The following CCDC175 variants were observed in gnomAD, a reference collection of about 807,000 sequenced individuals.
The protein encoded by CCDC175 is coiled-coil domain-containing protein 175.
In CCDC175, 100 loss-of-function variants were observed where a neutral mutation model predicts 114.6. The ratio of observed to expected loss-of-function variants is 0.87; its 90% CI spans 0.74 to 1.03. The LOEUF is 1.03. Among genes scored for constraint, CCDC175 ranks in the 50% least tolerant of loss-of-function variants. The probability of loss-of-function intolerance (pLI) is 0.00; values close to 1 mark genes in which losing one functional copy is unlikely to be tolerated. For synonymous variants in CCDC175, 306 were observed against 308.7 expected, an observed-to-expected ratio of 0.99 and a Z score of 0.09; for missense variants, 880 against 917.8, an observed-to-expected ratio of 0.96 and a Z score of 0.53.
At chr14:59,518,825 C>G (rs974160837) in intron 17 of CCDC175, among the ~76,000 whole-genome samples, 13 of 152,042 alleles carry the variant, frequency 8.6e-5, no homozygotes, top group African/African-American at 3.1e-4. Context: ...TGGGTATATA[C>G]CCAAAGGATT....
Position 59,576,719 on chromosome 14 carries a change from C to T in CCDC175, c.57G>A (p.Ala19=). 2.0e-6 allele frequency: 3 copies of T among 1,476,818 alleles called. No homozygotes were observed. Among genetic ancestry groups the T allele is most frequent in the Admixed American group, 2.5e-5 (1 of 39,970 alleles). The allele number at this position is 1,476,818 out of a possible 1,614,324, so 91.5% of individuals were successfully genotyped here. A position where few individuals can be genotyped will look rare whatever the true frequency, so the allele number is the denominator to read the frequency against. ...GGGAGGGGCCAGTGGAGACGGCAGC[C>T]GCCTGCACCAGCTTCTCGCCAGCGC... ...GLGAGEKLVQ[A]AAVSTGPSLE... Residue 19 remains alanine, a synonymous_variant, in exon 1 of 20, where the codon GCG becomes GCA. Coordinates refer to ENST00000537690, the MANE Select transcript of CCDC175 (RefSeq NM_001164399.2).
Position 59,572,830 on chromosome 14 carries a change from C to T in CCDC175, c.244-17G>A, listed in dbSNP as rs1896912956. 2 of 1,453,990 alleles carry T rather than the reference C, an allele frequency of 1.4e-6. No individual in the cohort carries two copies. Among genetic ancestry groups the T allele is most frequent in the Admixed American group, 2.6e-5 (1 of 38,126 alleles). The allele number at this position is 1,453,990 out of a possible 1,614,324, so 90.1% of individuals were successfully genotyped here. ...CATTTCTTCCTGAAAATTTAAATTA[C>T]ATTTTTAAAAAGTTAAGACACTAAA... On this transcript the variant is annotated splice_polypyrimidine_tract_variant and intron_variant, in intron 2 of 19. Transcript: ENST00000537690.
At chr14:59,523,972 G>C (rs1341979481) in intron 16 of CCDC175, among the ~76,000 whole-genome samples, 1 of 150,712 alleles carries the variant, frequency 6.6e-6, no homozygotes, top group Non-Finnish European at 1.5e-5. Flanking sequence ...CTGGGCGACA[G>C]AGCAAGACTC....
chr14:59,550,821 C>A (rs141159730), intron 8 of CCDC175, among the ~76,000 whole-genome samples: 1 of 152,106 alleles, frequency 6.6e-6, no homozygotes, highest in East Asian at 1.9e-4. Context: ...TGCTGCCCAC[C>A]CAGATTAAGG....
In CCDC175 at chr14:59,521,602, G is replaced by T; in HGVS notation, c.2070C>A (p.Asp690Glu). ...CCTGAGCTATTAGTTGCCGAGACAA[G>T]TCGCTTGAGGTGTGCATGAGGGCTT... is the stretch of plus-strand genomic sequence containing the variant. ...GQEALMHTSSDLSRQLIAQEA... is the reference protein window; with the variant it reads ...GQEALMHTSSELSRQLIAQEA... Residue 690 changes from aspartate to glutamate, a missense_variant, in exon 17 of 20, where the codon GAC becomes GAA. Coordinates refer to ENST00000537690, the MANE Select transcript of CCDC175 (RefSeq NM_001164399.2). 8 of 1,535,054 alleles carry T rather than the reference G, an allele frequency of 5.2e-6. No individual in the cohort carries two copies. Among genetic ancestry groups the T allele is most frequent in the Non-Finnish European group, 7.0e-6 (8 of 1,144,776 alleles).
At chr14:59,571,331 A>G (rs560750342) in intron 3 of CCDC175, among the ~76,000 whole-genome samples, 3 of 152,316 alleles carry the variant, frequency 2.0e-5, no homozygotes, top group East Asian at 3.9e-4. Flanking sequence ...AAGGCAACCC[A>G]TGGAATGGGA....
In CCDC175 at chr14:59,510,637, G is replaced by A. The variant is rs1594972055; in HGVS notation, c.2305+9C>T. The A allele has an allele frequency of 1.3e-6, 2 of 1,536,924 alleles. No individual in the cohort carries two copies. The highest frequency in any genetic ancestry group is 1.7e-6 in the Non-Finnish European group (2 of 1,146,664). On this transcript the variant is annotated intron_variant, in intron 19 of 19. Coordinates refer to ENST00000537690, the MANE Select transcript of CCDC175 (RefSeq NM_001164399.2). Reference sequence around the variant, plus strand: ...TCCCATGTTACCAAAGCTCTAAGCTGTTGCTTACTAAGAAGGTCCATTGGT... The same window carrying A: ...TCCCATGTTACCAAAGCTCTAAGCTATTGCTTACTAAGAAGGTCCATTGGT...
At chr14:59,538,454 C>T (rs1394069995) in intron 12 of CCDC175, among the ~76,000 whole-genome samples, 1 of 152,012 alleles carries the variant, frequency 6.6e-6, no homozygotes, top group Admixed American at 6.6e-5. Context: ...AGGTAATTCC[C>T]CTAAAGACTA....
intron 3 of CCDC175, among the ~76,000 whole-genome samples, chr14:59,570,224 G>A (rs1198745199): frequency 6.6e-6 from 1 of 152,148 alleles, no homozygotes; most frequent in Non-Finnish European, 1.5e-5. Context: ...GATGCTGCAG[G>A]ACCATGGCCT....
Position 59,557,885 on chromosome 14 carries a change from A to T in CCDC175, c.953+3234T>A, listed in dbSNP as rs377543541. On this transcript the variant is annotated intron_variant, in intron 7 of 19. Coordinates refer to ENST00000537690, the MANE Select transcript of CCDC175 (RefSeq NM_001164399.2). ...TATGCAAGGTCCCTACCCTCATGAAAACTACATTCCATGGAGGGATCAGGA... is the reference window on the plus strand; with the variant it reads ...TATGCAAGGTCCCTACCCTCATGAATACTACATTCCATGGAGGGATCAGGA... 1.3e-4 allele frequency among the ~76,000 whole-genome samples: 20 copies of T among 152,302 alleles called. 2 individuals are homozygous for T. Among genetic ancestry groups the T allele is most frequent in the Admixed American group, 8.5e-4 (13 of 15,300 alleles).
intron 13 of CCDC175, among the ~76,000 whole-genome samples, chr14:59,532,239 A>G (rs1894114721): frequency 6.6e-6 from 1 of 152,218 alleles, no homozygotes; most frequent in South Asian, 2.1e-4. Flanking sequence ...TCCTTCAGTA[A>G]TATTTTACCA....
chr14:59,555,164 AAG>A (rs1290712126), intron 7 of CCDC175, among the ~76,000 whole-genome samples: 1 of 152,208 alleles, frequency 6.6e-6, no homozygotes, highest in African/African-American at 2.4e-5. Flanking sequence ...ACAACAAAAA[AAG>A]AGAATTTTAG....
At chr14:59,566,095 T>C (rs554692898) in intron 4 of CCDC175, among the ~76,000 whole-genome samples, 34 of 152,258 alleles carry the variant, frequency 2.2e-4, no homozygotes, top group African/African-American at 7.9e-4. Flanking sequence ...AAAGAGTCTA[T>C]CTTTACTGTT....
Position 59,555,216 on chromosome 14 carries a change from T to C in CCDC175, c.954-3780A>G, listed in dbSNP as rs189918406. Among the ~76,000 whole-genome samples, 611 of 152,264 alleles carry C rather than the reference T, an allele frequency of 4.0e-3. 2 individuals are homozygous for C. The highest frequency in any genetic ancestry group is 0.014 in the African/African-American group (572 of 41,568). On this transcript the variant is annotated intron_variant, in intron 7 of 19. Coordinates refer to ENST00000537690, the MANE Select transcript of CCDC175 (RefSeq NM_001164399.2). ...TGAACATCGATGAAAAAATCCTCAATAAAATACTGGCAAACCGAATCCAGC... is the reference window on the plus strand; with the variant it reads ...TGAACATCGATGAAAAAATCCTCAACAAAATACTGGCAAACCGAATCCAGC...
At chr14:59,517,322 C>T (rs1460930458) in intron 17 of CCDC175, among the ~76,000 whole-genome samples, 3 of 152,066 alleles carry the variant, frequency 2.0e-5, no homozygotes, top group Admixed American at 2.0e-4. Flanking sequence ...CTGGCCAGGG[C>T]AATCAGGCAG....
intron 14 of CCDC175, among the ~76,000 whole-genome samples, chr14:59,529,764 TA>T (rs1425108261): frequency 6.6e-6 from 1 of 152,188 alleles, no homozygotes; most frequent in African/African-American, 2.4e-5. Context: ...TTGGGAGTTT[TA>T]TGAGGGAACA....
rs563484569 is a variant in CCDC175, at chr14:59,555,021, G to A, written c.954-3585C>T. Among the ~76,000 whole-genome samples, 271 of 152,260 alleles carry A rather than the reference G, an allele frequency of 1.8e-3. 2 individuals carry two copies. The highest frequency in any genetic ancestry group is 0.014 in the Admixed American group (220 of 15,294). On this transcript the variant is annotated intron_variant, in intron 7 of 19. Transcript: ENST00000537690. ...TCCAGGATCAGACGGATTCACAGCA[G>A]AATTCTACCAGAGGTACAAGGAGGA...
intron 2 of CCDC175, among the ~76,000 whole-genome samples, chr14:59,573,608 T>A (rs959902112): frequency 3.3e-5 from 2 of 61,216 alleles, no homozygotes; most frequent in African/African-American, 1.2e-4. Context: ...ATCTGGTTTT[T>A]TGTTTTTTTG....
chr14:59,517,216 C>T (rs577143635), intron 17 of CCDC175, among the ~76,000 whole-genome samples: 37 of 152,262 alleles, frequency 2.4e-4, no homozygotes, highest in African/African-American at 8.9e-4. Context: ...CAATATCATA[C>T]TGAATGGGCA....
Sources: gnomAD v4.1 joint callset for allele counts (sites outside exome capture counted in the v4.1 genomes callset) on GRCh38, gnomAD v4.1.1 for gene constraint, MANE v1.5 for transcripts, NCBI Gene and HGNC (gene_info 2026-07-23, HGNC 2026-07-21) for gene names.